The following DISC1 variants were observed in gnomAD, a reference collection of about 807,000 sequenced individuals.
The protein encoded by DISC1 is disrupted in schizophrenia 1 protein.
A neutral mutation model predicts 84.5 loss-of-function variants in DISC1; 57 were observed. That is an observed-to-expected ratio of 0.67 (90% CI 0.55 to 0.84). The LOEUF (loss-of-function observed/expected upper bound fraction) is 0.84. Among genes scored for constraint, DISC1 ranks in the 40% least tolerant of loss-of-function variants. The pLI is 0.00. For missense variants in DISC1, 1,000 were observed against 1,057.8 expected, an observed-to-expected ratio of 0.95 and a Z score of 0.76; for synonymous variants, 411 against 415.2, an observed-to-expected ratio of 0.99 and a Z score of 0.12.
intron 1 of DISC1, 144 bp downstream of exon 1, chr1:231,627,078 C>T (rs892903246): frequency 7.2e-6 from 4 of 553,674 alleles, no homozygotes; most frequent in Non-Finnish European, 1.2e-5. Context: ...AGGCAGGACG[C>T]GAGGCGTGCG....
chr1:231,779,456 T>G (rs2077208585), intron 6 of DISC1, among the ~76,000 whole-genome samples: 1 of 152,108 alleles, frequency 6.6e-6, no homozygotes, highest in African/African-American at 2.4e-5. Flanking sequence ...ACATGTATGC[T>G]TATTCAGTAT....
At chr1:231,637,278 T>C (rs993620467) in intron 1 of DISC1, among the ~76,000 whole-genome samples, 1 of 152,240 alleles carries the variant, frequency 6.6e-6, no homozygotes, top group African/African-American at 2.4e-5. Flanking sequence ...TGTGCATGTA[T>C]CTTTATAGTA....
At chr1:231,906,938 T>A (rs570648333) in intron 9 of DISC1, among the ~76,000 whole-genome samples, 1 of 152,104 alleles carries the variant, frequency 6.6e-6, no homozygotes, top group Non-Finnish European at 1.5e-5. Flanking sequence ...GCCTAAAGAA[T>A]CTTTCTTTTT....
intron 9 of DISC1, among the ~76,000 whole-genome samples, chr1:231,841,819 CATA>C (rs2083090448): frequency 6.6e-6 from 1 of 152,140 alleles, no homozygotes; most frequent in African/African-American, 2.4e-5. Flanking sequence ...TAATCAACTA[CATA>C]GTCAACCTCA....
chr1:231,719,482 G>T (rs1326901007), intron 3 of DISC1, among the ~76,000 whole-genome samples: 2 of 152,184 alleles, frequency 1.3e-5, no homozygotes, highest in Non-Finnish European at 2.9e-5. Flanking sequence ...AAACCTGACT[G>T]CAAAGTTCAA....
At chr1:231,870,661 A>G (rs577319008) in intron 9 of DISC1, among the ~76,000 whole-genome samples, 11 of 152,108 alleles carry the variant, frequency 7.2e-5, no homozygotes, top group African/African-American at 2.7e-4. Context: ...ACAGCCCCCC[A>G]AAAAGCCCTC....
intron 6 of DISC1, among the ~76,000 whole-genome samples, chr1:231,778,198 G>A (rs1226655757): frequency 6.6e-6 from 1 of 152,220 alleles, no homozygotes. Flanking sequence ...TCAAGTCAGA[G>A]AGGTCTGTCA....
chr1:231,961,497 C>T lies in DISC1; in HGVS notation c.2042+2609C>T, dbSNP rs867174688. ...TTGATCCTGTCACTCAAGTAGTAAGCACAGTACCCCTGGAATTAGTTTTCA... is the reference window on the plus strand; with the variant it reads ...TTGATCCTGTCACTCAAGTAGTAAGTACAGTACCCCTGGAATTAGTTTTCA... On this transcript the variant is annotated intron_variant, in intron 10 of 12. Coordinates refer to ENST00000439617, the MANE Select transcript of DISC1 (RefSeq NM_018662.3). Among the ~76,000 whole-genome samples the T allele has an allele frequency of 4.6e-5, 7 of 152,300 alleles. No homozygotes were observed. The Middle Eastern group carries it at 0.01, about 222-fold the overall frequency.
intron 3 of DISC1, among the ~76,000 whole-genome samples, chr1:231,704,398 C>T (rs112402896): frequency 3.2e-4 from 49 of 152,208 alleles, no homozygotes; most frequent in African/African-American, 7.0e-4. Context: ...AAGTATCCAT[C>T]GTATACAACA....
intron 10 of DISC1, among the ~76,000 whole-genome samples, chr1:232,006,329 A>G (rs1010898415): frequency 3.9e-5 from 6 of 152,214 alleles, no homozygotes; most frequent in African/African-American, 1.2e-4. Context: ...GACTTGTTGA[A>G]TGGCTTTGAC....
At chr1:232,008,548 TTTTGGATGCC>T (rs1667749977) in intron 10 of DISC1, among the ~76,000 whole-genome samples, 4 of 152,172 alleles carry the variant, frequency 2.6e-5, no homozygotes, top group Admixed American at 2.0e-4. Flanking sequence ...ATACATAGGA[TTTTGGATGCC>T]TTTGCAGACC....
intron 1 of DISC1, among the ~76,000 whole-genome samples, chr1:231,669,160 C>T (rs955150811): frequency 2.6e-5 from 4 of 152,124 alleles, no homozygotes; most frequent in African/African-American, 9.7e-5. Context: ...ATAGGGATGA[C>T]ATGGAAGAAT....
At chr1:231,676,627 T>C (rs1482434467) in intron 1 of DISC1, among the ~76,000 whole-genome samples, 2 of 152,230 alleles carry the variant, frequency 1.3e-5, no homozygotes, top group African/African-American at 2.4e-5. Context: ...ACATGTCTCC[T>C]ATTCTCCCAA....
chr1:231,713,732 T>C (rs1473530122), intron 3 of DISC1, among the ~76,000 whole-genome samples: 4 of 143,374 alleles, frequency 2.8e-5, no homozygotes, highest in Non-Finnish European at 6.0e-5. Context: ...ATAGGAGATA[T>C]ATACATATAT....
intron 4 of DISC1, among the ~76,000 whole-genome samples, chr1:231,766,745 T>G (rs945266965): frequency 2.0e-5 from 3 of 152,222 alleles, no homozygotes; most frequent in Admixed American, 6.5e-5. Flanking sequence ...TCCAAAATAT[T>G]ATCTCAACAT....
At chr1:231,921,073 A>AT (rs975628780) in intron 9 of DISC1, among the ~76,000 whole-genome samples, 1,566 of 142,110 alleles carry the variant, frequency 0.011, 15 homozygotes, top group African/African-American at 0.032. Flanking sequence ...AGCCTGGCTA[A>AT]TTTTTTTTTT....
intron 9 of DISC1, among the ~76,000 whole-genome samples, chr1:231,948,505 G>C (rs960643885): frequency 6.6e-6 from 1 of 151,986 alleles, no homozygotes; most frequent in Non-Finnish European, 1.5e-5. Flanking sequence ...ATCTGATGTA[G>C]GTGACCGGTT....
At chr1:231,681,137 A>T (rs2063649437) in intron 1 of DISC1, among the ~76,000 whole-genome samples, 1 of 152,230 alleles carries the variant, frequency 6.6e-6, no homozygotes, top group Non-Finnish European at 1.5e-5. Flanking sequence ...TTGGAGTAGC[A>T]CTTTACACTA....
intron 1 of DISC1, among the ~76,000 whole-genome samples, chr1:231,646,372 A>G (rs945770142): frequency 6.6e-6 from 1 of 152,100 alleles, no homozygotes; most frequent in East Asian, 1.9e-4. Flanking sequence ...CATGGTGTAT[A>G]TGTGCCACAT....
Sources: gnomAD v4.1 joint callset for allele counts (sites outside exome capture counted in the v4.1 genomes callset) on GRCh38, gnomAD v4.1.1 for gene constraint, MANE v1.5 for transcripts, NCBI Gene and HGNC (gene_info 2026-07-23, HGNC 2026-07-21) for gene names.